TIAM1: variants seen among roughly 807,000 people sequenced by gnomAD.
The protein encoded by TIAM1 is TIAM Rac1 associated GEF 1.
Under a neutral mutation model 163.5 loss-of-function variants are expected in TIAM1, and 65 were observed. The observed-to-expected ratio is 0.40, with a 90% confidence interval of 0.33 to 0.49. The LOEUF (loss-of-function observed/expected upper bound fraction) is 0.49, where lower values mean the gene tolerates loss of function less well. TIAM1 is among the 20% of genes least tolerant of loss of function. The pLI, the probability that TIAM1 is intolerant of heterozygous loss-of-function variation, is 0.77. For missense variants in TIAM1, 1,789 were observed against 2,044.7 expected, an observed-to-expected ratio of 0.87 and a Z score of 2.41; for synonymous variants, 833 against 810.1, an observed-to-expected ratio of 1.03 and a Z score of -0.48.
intron 1 of TIAM1, among the ~76,000 whole-genome samples, chr21:31,478,661 G>A (rs1186556470): frequency 6.6e-6 from 1 of 151,874 alleles, no homozygotes; most frequent in Non-Finnish European, 1.5e-5. Flanking sequence ...CTTCTAAGTT[G>A]GTAAGAATCA....
intron 2 of TIAM1, among the ~76,000 whole-genome samples, chr21:31,324,007 CAA>C (rs1170060140): frequency 2.3e-4 from 21 of 89,366 alleles, no homozygotes; most frequent in Non-Finnish European, 2.2e-4. Flanking sequence ...GACCCTGTCT[CAA>C]AAAAAAAAAA....
Position 31,120,689 on chromosome 21 carries a change from C to T in TIAM1, c.4455G>A (p.Glu1485=), listed in dbSNP as rs2081967846. 1.2e-6 allele frequency: 2 copies of T among 1,614,096 alleles called. No individual in the cohort carries two copies. The highest frequency in any genetic ancestry group is 2.2e-5 in the East Asian group (1 of 44,818). The stretch of plus-strand genomic sequence containing the variant: ...CATACTGAGCAAGATCAAACTGCTC[C>T]TCTACCCATCGGTCAGTGTCCCCAC... ...PGGGDTDRWV[E]EQFDLAQYEE... Residue 1485 remains glutamate (E), a synonymous_variant, in exon 28 of 28, where the codon GAG becomes GAA. Transcript: ENST00000541036. The surrounding 1 kb of genome is among the most constrained non-coding windows in gnomAD (Gnocchi z 4.2).
At chr21:31,281,782 T>TA in intron 2 of TIAM1, among the ~76,000 whole-genome samples, 1 of 151,564 alleles carries the variant, frequency 6.6e-6, no homozygotes, top group Admixed American at 6.6e-5. Context: ...TGGATGGAGA[T>TA]AGAGATATGG....
chr21:31,335,770 A>G (rs570649377), intron 2 of TIAM1, among the ~76,000 whole-genome samples: 2 of 152,280 alleles, frequency 1.3e-5, no homozygotes, highest in East Asian at 1.9e-4. Flanking sequence ...TGACCATTAG[A>G]CATGCTCATC....
intron 2 of TIAM1, among the ~76,000 whole-genome samples, chr21:31,349,835 T>TG (rs1169465553): frequency 6.6e-6 from 1 of 152,204 alleles, no homozygotes; most frequent in Admixed American, 6.5e-5. Context: ...CAAGTCCCTC[T>TG]GCCTACCCTT....
At chr21:31,161,924 C>G (rs1243121990) in intron 16 of TIAM1, among the ~76,000 whole-genome samples, 1 of 152,192 alleles carries the variant, frequency 6.6e-6, no homozygotes, top group Non-Finnish European at 1.5e-5. Context: ...CTTGCTCTTA[C>G]TTTAAATCAT....
intron 1 of TIAM1, among the ~76,000 whole-genome samples, chr21:31,533,983 G>A (rs1013120053): frequency 6.6e-6 from 1 of 152,156 alleles, no homozygotes; most frequent in African/African-American, 2.4e-5. Flanking sequence ...TACAGGATGT[G>A]CTTAGCTTTC....
At chr21:31,290,084 T>C (rs1445926225) in intron 2 of TIAM1, among the ~76,000 whole-genome samples, 1 of 152,238 alleles carries the variant, frequency 6.6e-6, no homozygotes, top group Non-Finnish European at 1.5e-5. Context: ...GTATATATAC[T>C]TGAAGTACTG....
chr21:31,156,770 T>C (rs1167218354), intron 16 of TIAM1, among the ~76,000 whole-genome samples: 1 of 152,216 alleles, frequency 6.6e-6, no homozygotes, highest in Non-Finnish European at 1.5e-5. Flanking sequence ...CAGACAGTGA[T>C]AACAGCTGAC....
chr21:31,349,948 C>T (rs1366412747), intron 2 of TIAM1, among the ~76,000 whole-genome samples: 1 of 152,170 alleles, frequency 6.6e-6, no homozygotes, highest in Non-Finnish European at 1.5e-5. Context: ...TCTAAATGGG[C>T]GAATGGGCAC....
At chr21:31,286,136 A>T (rs2073800617) in intron 2 of TIAM1, among the ~76,000 whole-genome samples, 1 of 152,230 alleles carries the variant, frequency 6.6e-6, no homozygotes, top group Non-Finnish European at 1.5e-5. Flanking sequence ...TGCTAGGGGG[A>T]TATTATGAAT....
chr21:31,403,407 A>G (rs947309170), intron 2 of TIAM1, among the ~76,000 whole-genome samples: 3 of 152,152 alleles, frequency 2.0e-5, no homozygotes, highest in African/African-American at 7.2e-5. Flanking sequence ...TAGGCCTCCC[A>G]AAGTGCTGGG....
intron 6 of TIAM1, among the ~76,000 whole-genome samples, chr21:31,234,563 T>G (rs1287335452): frequency 6.6e-6 from 1 of 152,092 alleles, no homozygotes; most frequent in Non-Finnish European, 1.5e-5. Flanking sequence ...GGTGGATCAC[T>G]TGACCCCAGG....
chr21:31,403,510 CT>C (rs1191796160), intron 2 of TIAM1, among the ~76,000 whole-genome samples: 3 of 152,082 alleles, frequency 2.0e-5, no homozygotes, highest in African/African-American at 2.4e-5. Context: ...CTCCCCGCTG[CT>C]TTTTTTGAAG....
At chr21:31,297,117 C>T (rs1002232297) in intron 2 of TIAM1, among the ~76,000 whole-genome samples, 3 of 152,088 alleles carry the variant, frequency 2.0e-5, no homozygotes, top group East Asian at 1.9e-4. Context: ...ATGGCACTAG[C>T]GGTGAGTAAA....
intron 2 of TIAM1, among the ~76,000 whole-genome samples, chr21:31,432,425 C>A (rs972507325): frequency 3.3e-5 from 5 of 152,126 alleles, no homozygotes; most frequent in Non-Finnish European, 7.4e-5. Context: ...TCTGCCACTG[C>A]GTTTCTACCT....
intron 2 of TIAM1, among the ~76,000 whole-genome samples, chr21:31,449,915 C>A (rs2147322015): frequency 6.6e-6 from 1 of 152,306 alleles, no homozygotes; most frequent in Non-Finnish European, 1.5e-5. Context: ...GGCAGAAAAG[C>A]AAATGCCTGG....
intron 1 of TIAM1, among the ~76,000 whole-genome samples, chr21:31,551,531 G>A (rs2048687908): frequency 1.3e-5 from 2 of 152,170 alleles, no homozygotes; most frequent in Admixed American, 1.3e-4. Flanking sequence ...TTGAGTCCAG[G>A]AGTTCAAGAC....
At chr21:31,428,269 A>G (rs1246003720) in intron 2 of TIAM1, among the ~76,000 whole-genome samples, 1 of 152,140 alleles carries the variant, frequency 6.6e-6, no homozygotes, top group African/African-American at 2.4e-5. Context: ...AAAAAAAAGA[A>G]AGAAAGAAAC....
Sources: gnomAD v4.1 joint callset for allele counts (sites outside exome capture counted in the v4.1 genomes callset) on GRCh38, gnomAD v4.1.1 for gene constraint, Gnocchi (gnomAD v3.1) non-coding constraint, MANE v1.5 for transcripts, NCBI Gene and HGNC (gene_info 2026-07-23, HGNC 2026-07-21) for gene names.